The following PLXND1 variants were observed in gnomAD, a reference collection of about 807,000 sequenced individuals.
PLXND1 encodes plexin D1.
PLXND1 carries 54 observed loss-of-function variants against 197.7 expected under a neutral mutation model. The observed-to-expected ratio is 0.27, with a 90% CI of 0.22 to 0.34. The LOEUF is 0.34. Ranked by LOEUF, PLXND1 falls within the 10% of genes least tolerant of loss-of-function variation. The probability of loss-of-function intolerance (pLI) is 1.00; values close to 1 mark genes in which losing one functional copy is unlikely to be tolerated. For missense variants in PLXND1, 2,127 were observed against 2,699.2 expected (o/e 0.79, Z 4.70); for synonymous variants, 1,180 against 1,161.2 (o/e 1.02, Z -0.33).
chr3:129,585,577 G>A (rs1383020607), intron 5 of PLXND1, among the ~76,000 whole-genome samples: 1 of 152,220 alleles, frequency 6.6e-6, no homozygotes, highest in Non-Finnish European at 1.5e-5. Context: ...CCTCCAACTT[G>A]TACCCTCCCT....
chr3:129,575,731 C>T, intron 10 of PLXND1, 35 bp downstream of exon 10: 2 of 1,481,670 alleles, frequency 1.3e-6, no homozygotes, highest in Non-Finnish European at 9.4e-7. Flanking sequence ...TAACGCAGGC[C>T]CGCCCTCCGC....
At position 129,606,486 on chromosome 3, in the gene PLXND1, G is replaced by C; in HGVS notation, c.154C>G (p.Arg52Gly). 7.0e-7 allele frequency: 1 copy of C among 1,425,810 alleles called. No individual in the cohort carries two copies. Among genetic ancestry groups the C allele is most frequent in the East Asian group, 2.8e-5 (1 of 35,822 alleles). 88.3% of individuals were successfully genotyped at this position (1,425,810 alleles called of 1,614,324 possible). Residue 52 changes from arginine to glycine, a missense_variant, in exon 1 of 36, where the codon CGG (arginine) becomes GGG (glycine). By Grantham distance (125) the Arg-to-Gly change is moderately radical. Coordinates refer to ENST00000324093, the MANE Select transcript of PLXND1 (RefSeq NM_015103.3). ...TTGGTGGGCGTGGGCGAGGGGAACC[G>C]ACGCTGGATCTCCAGGGCGCCGGCC... ...ARAGALEIQR[R>G]FPSPTPTNNF... is the part of the protein sequence containing the mutation.
In PLXND1 at chr3:129,561,522, A is replaced by C. The variant is rs1195562999; in HGVS notation, c.4993+124T>G. ...AGGAGGCTGGCCCCGCCCAGCCCCCACCAAGGAGGCCTCAGCCCAGGCCAG... is the reference window on the plus strand; with the variant it reads ...AGGAGGCTGGCCCCGCCCAGCCCCCCCCAAGGAGGCCTCAGCCCAGGCCAG... On this transcript the variant is annotated intron_variant, in intron 29 of 35. Transcript: ENST00000324093. 8.5e-6 allele frequency: 6 copies of C among 702,700 alleles called. No homozygotes were observed. The South Asian group carries it at 1.0e-4, about 12-fold the overall frequency. The allele number at this position is 702,700 out of a possible 1,614,324, so 43.5% of individuals were successfully genotyped here. A position where few individuals can be genotyped will look rare whatever the true frequency, so the allele number is the denominator to read the frequency against.
At chr3:129,583,770 G>C (rs1425294509) in intron 7 of PLXND1, 101 bp from the exon 8 acceptor site, 1 of 767,514 alleles carries the variant, frequency 1.3e-6, no homozygotes, top group Non-Finnish European at 2.2e-6. Flanking sequence ...CACAGGGAAA[G>C]GTCTTTCTCA....
At chr3:129,589,309 C>CGGGGGGG in intron 2 of PLXND1, 42 bp downstream of exon 2, 3 of 643,996 alleles carry the variant, frequency 4.7e-6, no homozygotes, top group African/African-American at 1.8e-5. Context: ...CCAGGGGAGC[C>CGGGGGGG]TCCCACCCCC....
intron 1 of PLXND1, among the ~76,000 whole-genome samples, chr3:129,593,670 C>G (rs535113836): frequency 2.0e-5 from 3 of 152,228 alleles, no homozygotes; most frequent in Non-Finnish European, 4.4e-5. Context: ...CTCTCTAAGT[C>G]GAGTGACTGA....
Position 129,574,444 on chromosome 3 carries a change from G to A in PLXND1, c.2577C>T (p.Cys859=). 1 of 1,613,156 alleles carries A rather than the reference G, an allele frequency of 6.2e-7. No individual in the cohort carries two copies. The highest frequency in any genetic ancestry group is 8.5e-7 in the Non-Finnish European group (1 of 1,179,932). Residue 859 remains cysteine, a synonymous_variant, in exon 12 of 36, where the codon TGC becomes TGT. Transcript: ENST00000324093. ...GGTGACCCAGGTCTTCGCGGCCCAGGCACTGGGAACAGTCGGGGCTGCCCA... is the reference window on the plus strand; with the variant it reads ...GGTGACCCAGGTCTTCGCGGCCCAGACACTGGGAACAGTCGGGGCTGCCCA... ...CAMGSPDCSQ[C]LGREDLGHLC... is the part of the protein sequence containing the mutation.
At chr3:129,588,120 C>T (rs1437547448) in intron 2 of PLXND1, among the ~76,000 whole-genome samples, 3 of 152,256 alleles carry the variant, frequency 2.0e-5, no homozygotes, top group Non-Finnish European at 4.4e-5. Context: ...ACAGAGGCCA[C>T]ACTGTGCAGG....
chr3:129,576,448 G>A (rs781745557), intron 9 of PLXND1, among the ~76,000 whole-genome samples: 30 of 152,212 alleles, frequency 2.0e-4, no homozygotes, highest in Non-Finnish European at 1.8e-4. Context: ...TCCCTCAGCA[G>A]CAACTATTCA....
At chr3:129,575,382 G>T in intron 11 of PLXND1, 87 bp downstream of exon 11, 1 of 801,644 alleles carries the variant, frequency 1.2e-6, no homozygotes, top group Non-Finnish European at 2.1e-6. Context: ...CGGCTTTGGG[G>T]CAACCACTGG....
rs781720952 is a variant in PLXND1, at chr3:129,571,478, C to T, written c.3336+31G>A. 4 of 1,600,128 alleles carry T rather than the reference C, an allele frequency of 2.5e-6. No individual in the cohort carries two copies. The South Asian group carries it at 4.4e-5, about 18-fold the overall frequency. On this transcript the variant is annotated intron_variant, in intron 17 of 35. Coordinates refer to ENST00000324093, the MANE Select transcript of PLXND1 (RefSeq NM_015103.3). ...GCCCTGGCTGTGCCTGGGCCACCCCCTCCCACCCATCAGGCCCCCGAATGC... is the reference window on the plus strand; with the variant it reads ...GCCCTGGCTGTGCCTGGGCCACCCCTTCCCACCCATCAGGCCCCCGAATGC...
intron 25 of PLXND1, 68 bp downstream of exon 25, chr3:129,565,272 G>T: frequency 7.3e-7 from 1 of 1,368,398 alleles, no homozygotes; most frequent in African/African-American, 1.4e-5. Context: ...GGGAGGCCGT[G>T]GGGTCACTGC....
chr3:129,588,346 C>T (rs1460543542), intron 2 of PLXND1, among the ~76,000 whole-genome samples: 3 of 151,900 alleles, frequency 2.0e-5, no homozygotes, highest in African/African-American at 4.8e-5. Context: ...CAACTGCAGC[C>T]TCATGGGTGT....
rs1486673137 is a variant in PLXND1, at chr3:129,567,679, C to T, written c.3973+19G>A. ...GAGGGAAAGTTGAGGCCCAGCCCTG[C>T]AGGGTCCCCGCCCACTACCTTTGCG... On this transcript the variant is annotated intron_variant, in intron 21 of 35. Transcript: ENST00000324093. The T allele has an allele frequency of 1.3e-6, 2 of 1,585,654 alleles. No homozygotes were observed. The highest frequency in any genetic ancestry group is 1.7e-6 in the Non-Finnish European group (2 of 1,154,376).
chr3:129,557,129 G>A lies in PLXND1; in HGVS notation c.5540C>T (p.Pro1847Leu), dbSNP rs768410974. ...RYYKQIQDMT[P>L]LSEQEMNAHL... ...GGCATTCATCTCTTGCTCGCTGAGC[G>A]GCGTCATGTCCTGGATCTGCTTGTA... The change falls in exon 34 of 36, where the codon CCG becomes CTG. Residue 1847 changes from proline (P) to leucine (L), a missense_variant. Physicochemically the swap from Pro to Leu is moderately conservative, Grantham distance 98. Around this residue, in one of 6 missense-constraint regions of PLXND1, gnomAD observed 200 missense variants for 303.3 expected, o/e 0.66. Coordinates refer to ENST00000324093, the MANE Select transcript of PLXND1 (RefSeq NM_015103.3). This position sits in a 1 kb window ranked among gnomAD's most constrained non-coding sequence, Gnocchi z 4.8. 10 of 1,614,096 alleles carry A rather than the reference G, an allele frequency of 6.2e-6. No homozygotes were observed. The highest frequency in any genetic ancestry group is 8.5e-6 in the Non-Finnish European group (10 of 1,180,010).
At chr3:129,574,066 A>C (rs959592087) in intron 12 of PLXND1, among the ~76,000 whole-genome samples, 4 of 152,134 alleles carry the variant, frequency 2.6e-5, no homozygotes, top group African/African-American at 7.2e-5. Flanking sequence ...TATCCCCTGA[A>C]ACTAACAACA....
intron 1 of PLXND1, among the ~76,000 whole-genome samples, chr3:129,603,543 T>G (rs951879337): frequency 6.6e-6 from 1 of 152,056 alleles, no homozygotes; most frequent in Non-Finnish European, 1.5e-5. Context: ...GCCTGCGAGA[T>G]GAAGCTCTGG....
At chr3:129,556,941 A>G in intron 34 of PLXND1, 142 bp downstream of exon 34, 1 of 907,120 alleles carries the variant, frequency 1.1e-6, no homozygotes, top group South Asian at 1.7e-5. Context: ...ACGAATTTGC[A>G]GGCCAGCAAG....
intron 9 of PLXND1, among the ~76,000 whole-genome samples, 191 bp from the exon 10 acceptor site, chr3:129,576,046 G>A (rs965843388): frequency 2.0e-5 from 3 of 152,230 alleles, no homozygotes; most frequent in African/African-American, 7.2e-5. Context: ...TTTGAGGGAG[G>A]CAAGCAGTGC....
Sources: gnomAD v4.1 joint callset for allele counts (sites outside exome capture counted in the v4.1 genomes callset) on GRCh38, gnomAD v4.1.1 for gene constraint, gnomAD v4.1.1 regional missense constraint, Gnocchi (gnomAD v3.1) non-coding constraint, MANE v1.5 for transcripts, NCBI Gene and HGNC (gene_info 2026-07-23, HGNC 2026-07-21) for gene names.